Variants in METTL21C observed in about 807,000 individuals in gnomAD.
METTL21C encodes methyltransferase 21C, AARS1 lysine.
Under a neutral mutation model 25.9 loss-of-function variants are expected in METTL21C, and 21 were observed. That is an observed-to-expected ratio of 0.81 (90% confidence interval 0.58 to 1.17). The LOEUF (loss-of-function observed/expected upper bound fraction) is 1.17. Among genes scored for constraint, METTL21C ranks in the 50% most tolerant of loss-of-function variants. The pLI, the probability that METTL21C is intolerant of heterozygous loss-of-function variation, is 0.00. For synonymous variants in METTL21C, 125 were observed against 124.7 expected, an observed-to-expected ratio of 1.00 and a Z score of -0.01; for missense variants, 312 against 315.1, an observed-to-expected ratio of 0.99 and a Z score of 0.07.
rs1885923678 is a variant in METTL21C, at chr13:102,694,948, T to G, written c.-450A>C. ...CACACACGCACAGTCCTAGCAACATTCAATGGAATTCCCTTCAAAAGTTTC... is the reference window on the plus strand; with the variant it reads ...CACACACGCACAGTCCTAGCAACATGCAATGGAATTCCCTTCAAAAGTTTC... On this transcript the variant is annotated 5_prime_UTR_variant, in exon 1 of 4. Coordinates refer to ENST00000267273, the MANE Select transcript of METTL21C (RefSeq NM_001010977.3). 6.7e-6 allele frequency among the ~76,000 whole-genome samples: 1 copy of G among 149,184 alleles called. No individual in the cohort carries two copies. Among genetic ancestry groups the G allele is most frequent in the South Asian group, 2.1e-4 (1 of 4,702 alleles).
At chr13:102,702,395 T>TAGA in the METTL21C span, among the ~76,000 whole-genome samples, 1 of 152,100 alleles carries the variant, frequency 6.6e-6, no homozygotes, top group East Asian at 1.9e-4. Flanking sequence ...TAGCATTGTG[T>TAGA]AGAAGTCTGG....
chr13:102,690,360 G>T (rs1885795718), intron 2 of METTL21C, among the ~76,000 whole-genome samples: 1 of 151,576 alleles, frequency 6.6e-6, no homozygotes, highest in South Asian at 2.1e-4. Context: ...GGTGGAGGTT[G>T]CAGTGAGCCA....
At position 102,686,068 on chromosome 13, in the gene METTL21C, G is replaced by A; in HGVS notation, c.758C>T (p.Ser253Leu). 6.3e-7 allele frequency: 1 copy of A among 1,598,400 alleles called. No homozygotes were observed. Among genetic ancestry groups the A allele is most frequent in the Non-Finnish European group, 8.5e-7 (1 of 1,169,738 alleles). The change falls in exon 4 of 4, where the codon TCA (serine) becomes TTA (leucine). Residue 253 changes from serine to leucine, a missense_variant. Physicochemically the swap from Ser to Leu is moderately radical, Grantham distance 145. Transcript: ENST00000267273. The stretch of plus-strand genomic sequence containing the variant: ...TAGTATCCCCTTAAAAAGTTTGACT[G>A]ATGACTCTGGATATTCAGCCAACAG... Reference protein sequence around the residue: ...TTLLAEYPESSVKLFKGILKW... With the variant: ...TTLLAEYPESLVKLFKGILKW...
the METTL21C span, among the ~76,000 whole-genome samples, chr13:102,703,071 A>G: frequency 1.3e-5 from 2 of 152,250 alleles, no homozygotes; most frequent in African/African-American, 4.8e-5. Flanking sequence ...GACAGCTTCA[A>G]ATAAATACTC....
chr13:102,696,054 T>C (rs1435341366), upstream of METTL21C, among the ~76,000 whole-genome samples: 1 of 152,112 alleles, frequency 6.6e-6, no homozygotes, highest in Non-Finnish European at 1.5e-5. Flanking sequence ...GAAAGAAACC[T>C]CACCAACTTT....
At chr13:102,697,287 T>C (rs1885962690), upstream of METTL21C, among the ~76,000 whole-genome samples, 1 of 150,910 alleles carries the variant, frequency 6.6e-6, no homozygotes, top group Non-Finnish European at 1.5e-5. Context: ...CAAGGGGGAG[T>C]CCTCCCCTCT....
chr13:102,694,344 T>C (rs1254627111), intron 1 of METTL21C, 25 bp downstream of exon 1: 2 of 1,596,236 alleles, frequency 1.3e-6, no homozygotes, highest in South Asian at 1.1e-5. Context: ...AGGAAAACTG[T>C]TGAAGTGATG....
intron 2 of METTL21C, among the ~76,000 whole-genome samples, chr13:102,688,242 G>A (rs1237708584): frequency 2.0e-5 from 3 of 152,224 alleles, no homozygotes; most frequent in Non-Finnish European, 4.4e-5. Flanking sequence ...ACCAGTGGTA[G>A]GTTTGGTAGC....
chr13:102,696,241 A>G (rs926777571), upstream of METTL21C, among the ~76,000 whole-genome samples: 1 of 152,300 alleles, frequency 6.6e-6, no homozygotes, highest in African/African-American at 2.4e-5. Flanking sequence ...GGAAACCATC[A>G]TTCTCAGCAA....
the METTL21C span, among the ~76,000 whole-genome samples, chr13:102,702,195 A>T: frequency 1.4e-5 from 2 of 142,870 alleles, no homozygotes; most frequent in Non-Finnish European, 3.0e-5. Flanking sequence ...ATATATATAC[A>T]TATATATATA....
At chr13:102,700,539 T>A in the METTL21C span, among the ~76,000 whole-genome samples, 3 of 152,216 alleles carry the variant, frequency 2.0e-5, no homozygotes, top group African/African-American at 7.2e-5. Context: ...GCTATAAGCA[T>A]GTGATATTAA....
At chr13:102,688,973 C>T (rs550967354) in intron 2 of METTL21C, among the ~76,000 whole-genome samples, 151 of 152,290 alleles carry the variant, frequency 9.9e-4, no homozygotes, top group Non-Finnish European at 1.9e-3. Flanking sequence ...AGATGCCCTT[C>T]TTGTGCAGCT....
intron 1 of METTL21C, among the ~76,000 whole-genome samples, chr13:102,694,131 A>C (rs1885892048): frequency 6.6e-6 from 1 of 152,238 alleles, no homozygotes; most frequent in South Asian, 2.1e-4. Context: ...ATAGAAAAAA[A>C]ACAAATGTGC....
the METTL21C span, among the ~76,000 whole-genome samples, chr13:102,703,200 C>A: frequency 2.0e-5 from 3 of 152,158 alleles, no homozygotes; most frequent in Non-Finnish European, 4.4e-5. Flanking sequence ...AAATCAGAAG[C>A]TTTTAGAGCT....
chr13:102,686,864 C>G, intron 3 of METTL21C, 76 bp downstream of exon 3: 1 of 1,187,680 alleles, frequency 8.4e-7, no homozygotes, highest in Non-Finnish European at 1.2e-6. Flanking sequence ...TAAACCACAG[C>G]CTGTCATAGA....
At chr13:102,700,576 A>G in the METTL21C span, among the ~76,000 whole-genome samples, 22 of 152,238 alleles carry the variant, frequency 1.4e-4, no homozygotes, top group Admixed American at 1.4e-3. Flanking sequence ...TGTGCTTGGG[A>G]AACAAGTTTG....
chr13:102,685,914 T>C lies in METTL21C; in HGVS notation c.*117A>G. ...AGTATTGTTACATTTGTTCCAAGTA[T>C]ACAAGTTGTTTCTATGCACTACCTT... On this transcript the variant is annotated 3_prime_UTR_variant, in exon 4 of 4. Coordinates refer to ENST00000267273, the MANE Select transcript of METTL21C (RefSeq NM_001010977.3). 1.0e-6 allele frequency: 1 copy of C among 968,946 alleles called. No individual in the cohort carries two copies. Among genetic ancestry groups the C allele is most frequent in the Non-Finnish European group, 1.5e-6 (1 of 669,812 alleles). 60.0% of individuals were successfully genotyped at this position (968,946 alleles called of 1,614,324 possible). A position where few individuals can be genotyped will look rare whatever the true frequency, so the allele number is the denominator to read the frequency against.
At chr13:102,689,618 G>A (rs1391276201) in intron 2 of METTL21C, among the ~76,000 whole-genome samples, 1 of 152,232 alleles carries the variant, frequency 6.6e-6, no homozygotes, top group Non-Finnish European at 1.5e-5. Context: ...ACTGCAGATT[G>A]AGAACTTCTG....
chr13:102,698,925 T>G (rs903144651), upstream of METTL21C, among the ~76,000 whole-genome samples: 42 of 152,220 alleles, frequency 2.8e-4, no homozygotes, highest in African/African-American at 1.0e-3. Flanking sequence ...ATGGACCTTC[T>G]GTTTAAACAT....
Sources: gnomAD v4.1 joint callset for allele counts (sites outside exome capture counted in the v4.1 genomes callset) on GRCh38, gnomAD v4.1.1 for gene constraint, MANE v1.5 for transcripts, NCBI Gene and HGNC (gene_info 2026-07-23, HGNC 2026-07-21) for gene names.